Variants in RAD51B observed in about 807,000 individuals in gnomAD.
RAD51B encodes DNA repair protein RAD51 homolog 2.
Under a neutral mutation model 42.2 loss-of-function variants are expected in RAD51B, and 38 were observed. The ratio of observed to expected loss-of-function variants is 0.90; its 90% CI spans 0.70 to 1.18. The LOEUF (loss-of-function observed/expected upper bound fraction) is 1.18, where lower values mean the gene tolerates loss of function less well. RAD51B is among the 50% of genes most tolerant of loss of function. The probability of loss-of-function intolerance (pLI) is 0.00; values close to 1 mark genes in which losing one functional copy is unlikely to be tolerated. For missense variants in RAD51B, 373 were observed against 400.7 expected (o/e 0.93, Z 0.59); for synonymous variants, 154 against 145.2 (o/e 1.06, Z -0.43).
chr14:68,465,951 A>AAAAAT (rs368641918), intron 9 of RAD51B, among the ~76,000 whole-genome samples: 19 of 90,514 alleles, frequency 2.1e-4, no homozygotes, highest in Non-Finnish European at 3.1e-4. Flanking sequence ...AAAAAAAAAA[A>AAAAAT]AAATAAATAA....
chr14:68,421,772 T>C (rs2084706881), intron 9 of RAD51B: 1 of 1,598,276 alleles, frequency 6.3e-7, no homozygotes, highest in African/African-American at 1.3e-5. Flanking sequence ...AAGCACTCCA[T>C]GCCTCCACAA....
intron 10 of RAD51B, among the ~76,000 whole-genome samples, chr14:68,559,242 A>AAT (rs570857039): frequency 1.3e-5 from 2 of 152,182 alleles, no homozygotes; most frequent in East Asian, 3.9e-4. Context: ...TAAATATACA[A>AAT]ATATCTGTAC....
At chr14:68,332,343 C>T (rs1483709450) in intron 8 of RAD51B, among the ~76,000 whole-genome samples, 1 of 152,170 alleles carries the variant, frequency 6.6e-6, no homozygotes, top group Admixed American at 6.5e-5. Context: ...TATATAAACA[C>T]ATACTTTGGT....
At chr14:68,654,942 C>G (rs963919813) in intron 11 of RAD51B, among the ~76,000 whole-genome samples, 1 of 152,120 alleles carries the variant, frequency 6.6e-6, no homozygotes, top group African/African-American at 2.4e-5. Context: ...CCAGCTCCCT[C>G]CCCCCCTGCC....
chr14:68,540,341 C>G, intron 10 of RAD51B: 1 of 1,049,964 alleles, frequency 9.5e-7, no homozygotes, highest in South Asian at 4.6e-5. Flanking sequence ...CTTCTAGCTA[C>G]GAATCCTTGA....
At chr14:67,997,367 A>T (rs1397167263) in intron 7 of RAD51B, among the ~76,000 whole-genome samples, 2 of 152,160 alleles carry the variant, frequency 1.3e-5, no homozygotes, top group Non-Finnish European at 1.5e-5. Flanking sequence ...GAGATAAGGG[A>T]TGAAATCAAG....
At chr14:67,921,864 G>A (rs775565904) in intron 7 of RAD51B, among the ~76,000 whole-genome samples, 5 of 152,044 alleles carry the variant, frequency 3.3e-5, no homozygotes, top group Admixed American at 2.6e-4. Flanking sequence ...GTGAATTAGC[G>A]TGGCCCCTGT....
At chr14:68,302,478 C>T (rs61985135) in intron 8 of RAD51B, among the ~76,000 whole-genome samples, 79,588 of 147,850 alleles carry the variant, frequency 0.54, 23,084 homozygotes, top group South Asian at 0.67. Flanking sequence ...GAGGGAAAAG[C>T]CCCCGTCATG....
chr14:68,549,250 CA>C (rs957268336), intron 10 of RAD51B, among the ~76,000 whole-genome samples: 4 of 151,224 alleles, frequency 2.6e-5, no homozygotes, highest in African/African-American at 9.7e-5. Context: ...CAGAATGTTC[CA>C]GGGGGAGGGA....
At chr14:67,848,386 T>G (rs1362073778) in intron 4 of RAD51B, among the ~76,000 whole-genome samples, 2 of 152,176 alleles carry the variant, frequency 1.3e-5, no homozygotes, top group Non-Finnish European at 2.9e-5. Flanking sequence ...TAAAGTCTGT[T>G]TTATCTGGTA....
chr14:67,989,296 A>G (rs1595214282), intron 7 of RAD51B, among the ~76,000 whole-genome samples: 1 of 152,366 alleles, frequency 6.6e-6, no homozygotes, highest in East Asian at 1.9e-4. Flanking sequence ...AAAGAAAGAT[A>G]TTTTTAAAAT....
chr14:67,881,822 T>C (rs1256258408), intron 5 of RAD51B, among the ~76,000 whole-genome samples: 2 of 152,230 alleles, frequency 1.3e-5, no homozygotes, highest in African/African-American at 4.8e-5. Flanking sequence ...AAAGTGGAAA[T>C]CCCTTCTTTC....
At chr14:68,518,563 C>T (rs943299235) in intron 10 of RAD51B, among the ~76,000 whole-genome samples, 6 of 151,054 alleles carry the variant, frequency 4.0e-5, no homozygotes, top group Non-Finnish European at 8.9e-5. Flanking sequence ...AGCCCCCCCC[C>T]CAGGCCTCCC....
chr14:68,202,193 A>T lies in RAD51B; in HGVS notation c.757-89691A>T, dbSNP rs1241856339. On this transcript the variant is annotated intron_variant, in intron 7 of 10. Transcript: ENST00000471583. The stretch of plus-strand genomic sequence containing the variant: ...CTAATAATCATCTGAGCCTTCAGTG[A>T]GTTGTAATCTTTTTGCTGGTGGAGT... Among the ~76,000 whole-genome samples the T allele has an allele frequency of 5.3e-5, 8 of 152,168 alleles. No individual in the cohort carries two copies. The East Asian group carries it at 1.5e-3, about 29-fold the overall frequency.
At chr14:67,977,020 C>T (rs1303625174) in intron 7 of RAD51B, among the ~76,000 whole-genome samples, 1 of 152,144 alleles carries the variant, frequency 6.6e-6, no homozygotes, top group Non-Finnish European at 1.5e-5. Context: ...AATGAGATAC[C>T]ATCTCACACC....
At chr14:68,045,809 C>T (rs2076290429) in intron 7 of RAD51B, among the ~76,000 whole-genome samples, 1 of 151,972 alleles carries the variant, frequency 6.6e-6, no homozygotes, top group Admixed American at 6.5e-5. Flanking sequence ...GATATGCAAA[C>T]CTTTGGGGAT....
intron 7 of RAD51B, among the ~76,000 whole-genome samples, chr14:67,980,075 A>G (rs1196485513): frequency 6.6e-6 from 1 of 152,212 alleles, no homozygotes; most frequent in African/African-American, 2.4e-5. Context: ...TCTAGGGTTC[A>G]TGCAGTTATA....
At chr14:67,963,962 A>G (rs1331971860) in intron 7 of RAD51B, among the ~76,000 whole-genome samples, 2 of 152,048 alleles carry the variant, frequency 1.3e-5, no homozygotes, top group Non-Finnish European at 1.5e-5. Flanking sequence ...ACTTTTATAC[A>G]TAGGGAAACC....
At chr14:68,667,438 C>A (rs1893054648) in intron 11 of RAD51B, among the ~76,000 whole-genome samples, 1 of 152,182 alleles carries the variant, frequency 6.6e-6, no homozygotes, top group South Asian at 2.1e-4. Context: ...TAAATGTTGA[C>A]TTTATTGTAA....
Sources: allele counts gnomAD v4.1 joint callset (sites outside exome capture counted in the v4.1 genomes callset), GRCh38; gene constraint gnomAD v4.1.1; transcripts MANE v1.5; gene names NCBI Gene and HGNC (gene_info 2026-07-23, HGNC 2026-07-21).